The following DYM variants were observed in gnomAD, a reference collection of about 807,000 sequenced individuals.
The protein encoded by DYM is dyggve-Melchior-Clausen syndrome protein.
In DYM, 78 loss-of-function variants were observed where a neutral mutation model predicts 93.1. The observed-to-expected ratio is 0.84, with a 90% CI of 0.70 to 1.01. The LOEUF (loss-of-function observed/expected upper bound fraction) is 1.01. Among genes scored for constraint, DYM ranks in the 50% least tolerant of loss-of-function variants. DYM has a pLI of 0.00. For synonymous variants in DYM, 321 were observed against 319.7 expected (o/e 1.00, Z -0.04); for missense variants, 789 against 845.0 (o/e 0.93, Z 0.82).
chr18:49,239,296 A>G (rs1463223312), intron 13 of DYM, among the ~76,000 whole-genome samples: 1 of 152,232 alleles, frequency 6.6e-6, no homozygotes, highest in East Asian at 1.9e-4. Flanking sequence ...TTCTATTTTG[A>G]ACAGAAGCCT....
chr18:49,081,535 G>GCC (rs2078026613), intron 17 of DYM, among the ~76,000 whole-genome samples: 1 of 36,710 alleles, frequency 2.7e-5, no homozygotes, highest in Non-Finnish European at 9.4e-5. Flanking sequence ...AGGGGAGAGG[G>GCC]GAGAGGGGAG....
At chr18:49,359,772 T>C (rs1471456349) in intron 6 of DYM, 1 of 152,248 alleles carries the variant, frequency 6.6e-6, no homozygotes, top group Admixed American at 6.5e-5. Flanking sequence ...ACAGGATGAA[T>C]TACCAATGTG....
intron 15 of DYM, among the ~76,000 whole-genome samples, chr18:49,152,216 C>T (rs1333887685): frequency 6.6e-6 from 1 of 151,892 alleles, no homozygotes; most frequent in Non-Finnish European, 1.5e-5. Flanking sequence ...TACCATATTC[C>T]ATAAGAAGGG....
chr18:49,381,025 C>A (rs537603958), intron 3 of DYM, among the ~76,000 whole-genome samples: 1 of 151,916 alleles, frequency 6.6e-6, no homozygotes, highest in Non-Finnish European at 1.5e-5. Context: ...GAAACAGGGT[C>A]TCGGTCTACC....
intron 17 of DYM, among the ~76,000 whole-genome samples, chr18:49,071,181 A>G (rs997536713): frequency 2.0e-5 from 3 of 152,238 alleles, no homozygotes; most frequent in Non-Finnish European, 4.4e-5. Context: ...CATGAATTTG[A>G]TAAGACTGAT....
At position 49,037,471 on chromosome 18, in the gene DYM, A is replaced by G. The variant is rs534882099; in HGVS notation, c.*6584T>C. On this transcript the variant is annotated 3_prime_UTR_variant, in exon 18 of 18. Coordinates refer to ENST00000675505, the MANE Select transcript of DYM (RefSeq NM_001353214.3). Reference sequence around the variant, plus strand: ...GGAAGCAAGTGCTGAAAAACTTTCTATTGGGTACTATGTTCACTATCTGGG... The same window carrying G: ...GGAAGCAAGTGCTGAAAAACTTTCTGTTGGGTACTATGTTCACTATCTGGG... Among the ~76,000 whole-genome samples, 11 of 152,296 alleles carry G rather than the reference A, an allele frequency of 7.2e-5. No individual in the cohort carries two copies. Among genetic ancestry groups the G allele is most frequent in the Admixed American group, 1.3e-4 (2 of 15,298 alleles).
intron 1 of DYM, among the ~76,000 whole-genome samples, chr18:49,437,078 T>C (rs2080925333): frequency 6.6e-6 from 1 of 152,218 alleles, no homozygotes; most frequent in African/African-American, 2.4e-5. Flanking sequence ...GTTTATTTTA[T>C]GTTCTTTTTG....
chr18:49,148,172 A>G (rs1375440938), intron 15 of DYM, among the ~76,000 whole-genome samples: 5 of 152,080 alleles, frequency 3.3e-5, no homozygotes, highest in African/African-American at 7.2e-5. Context: ...GAAGGGGAAC[A>G]TCACACACCG....
In DYM at chr18:49,379,738, C is replaced by T. The variant is rs761524350; in HGVS notation, c.214G>A (p.Gly72Arg). 15 of 1,613,054 alleles carry T rather than the reference C, an allele frequency of 9.3e-6. No individual in the cohort carries two copies. Among genetic ancestry groups the T allele is most frequent in the Non-Finnish European group, 1.1e-5 (13 of 1,179,422 alleles). ...RSLVENNPRT[G>R]NLGALIKVFL... is the part of the protein sequence containing the mutation. ...ACCTTAATTAGTGCACCAAGATTTC[C>T]TGTTCGAGGATTGTTTTCAACTGCA... is the stretch of plus-strand genomic sequence containing the variant. Residue 72 changes from glycine to arginine, a missense_variant, in exon 4 of 18, where the codon GGA (glycine) becomes AGA (arginine). Coordinates refer to ENST00000675505, the MANE Select transcript of DYM (RefSeq NM_001353214.3).
chr18:49,081,169 T>G (rs1375215670), intron 17 of DYM, among the ~76,000 whole-genome samples: 1 of 148,986 alleles, frequency 6.7e-6, no homozygotes, highest in African/African-American at 2.5e-5. Context: ...GAGATGGAGG[T>G]TGTAGCGAGC....
chr18:49,368,788 CAAAG>C (rs2066739186), intron 5 of DYM: 1 of 152,076 alleles, frequency 6.6e-6, no homozygotes, highest in Non-Finnish European at 1.5e-5. Flanking sequence ...AAGGTGATTC[CAAAG>C]AAAGAGTTTC....
chr18:49,228,863 A>C (rs1420699700), intron 13 of DYM, among the ~76,000 whole-genome samples: 1 of 152,152 alleles, frequency 6.6e-6, no homozygotes, highest in Admixed American at 6.6e-5. Context: ...TAGAAGGTGA[A>C]AACTGGGTCC....
intron 14 of DYM, among the ~76,000 whole-genome samples, chr18:49,172,705 G>T (rs1013289347): frequency 4.6e-5 from 7 of 152,056 alleles, no homozygotes; most frequent in Non-Finnish European, 1.0e-4. Context: ...GCCTGTGGGT[G>T]GTGGTAGTGG....
rs1262830854 is a variant in DYM at position 49,435,824 on chromosome 18, TACA to T, written c.-53-5380_-53-5378del. ...AAAAACAAACAAACAAAAAAGAATC[TACA>T]TGTCCCAGAGAGGTGCCAACAAATC... On this transcript the variant is annotated intron_variant, in intron 1 of 17. Transcript: ENST00000675505. 1.5e-4 allele frequency among the ~76,000 whole-genome samples: 23 copies of T among 152,112 alleles called. No individual in the cohort carries two copies. The South Asian group carries it at 2.9e-3, about 19-fold the overall frequency.
At chr18:49,226,157 G>C (rs1028634378) in intron 13 of DYM, among the ~76,000 whole-genome samples, 1 of 152,120 alleles carries the variant, frequency 6.6e-6, no homozygotes, top group Admixed American at 6.5e-5. Flanking sequence ...TTTGTAAACA[G>C]TAAGTCATAT....
At chr18:49,448,997 C>G (rs1367870577) in intron 1 of DYM, among the ~76,000 whole-genome samples, 1 of 152,162 alleles carries the variant, frequency 6.6e-6, no homozygotes, top group Non-Finnish European at 1.5e-5. Context: ...CCCTTCAAGT[C>G]CCCCTTATTT....
intron 8 of DYM, chr18:49,321,326 C>T (rs78168919): frequency 6.5e-4 from 260 of 398,138 alleles, no homozygotes; most frequent in African/African-American, 4.8e-3. Flanking sequence ...CAAACTAATT[C>T]ATTCTTCAAC....
intron 8 of DYM, among the ~76,000 whole-genome samples, chr18:49,294,351 A>G (rs2060381678): frequency 6.6e-6 from 1 of 152,196 alleles, no homozygotes; most frequent in Admixed American, 6.5e-5. Context: ...AATTCTGTGA[A>G]GAAAGTCAAT....
intron 13 of DYM, among the ~76,000 whole-genome samples, chr18:49,231,574 G>A (rs1397995732): frequency 6.6e-6 from 1 of 152,156 alleles, no homozygotes; most frequent in East Asian, 1.9e-4. Flanking sequence ...TGAAAATGCA[G>A]GTCACAGTTA....
Sources: allele counts gnomAD v4.1 joint callset (sites outside exome capture counted in the v4.1 genomes callset), GRCh38; gene constraint gnomAD v4.1.1; transcripts MANE v1.5; gene names NCBI Gene and HGNC (gene_info 2026-07-23, HGNC 2026-07-21).